OTOP1: variants seen among roughly 807,000 people sequenced by gnomAD.
OTOP1 encodes the protein otopetrin 1, also known as proton channel OTOP1.
OTOP1 carries 59 observed loss-of-function variants against 52.9 expected under a neutral mutation model. The ratio of observed to expected loss-of-function variants is 1.12; its 90% CI spans 0.91 to 1.39. The LOEUF is 1.39. Among genes scored for constraint, OTOP1 ranks in the 40% most tolerant of loss-of-function variants. The pLI, the probability that OTOP1 is intolerant of heterozygous loss-of-function variation, is 0.00. For synonymous variants in OTOP1, 317 were observed against 337.7 expected (o/e 0.94, Z 0.67); for missense variants, 761 against 800.9 (o/e 0.95, Z 0.60).
chr4:4,218,924 G>A (rs537785174), intron 1 of OTOP1, among the ~76,000 whole-genome samples: 8 of 151,114 alleles, frequency 5.3e-5, no homozygotes, highest in African/African-American at 1.2e-4. Flanking sequence ...GCGAGACTCC[G>A]TCTCAAAAAA....
At chr4:4,224,381 A>G (rs1353192260) in intron 1 of OTOP1, among the ~76,000 whole-genome samples, 1 of 147,886 alleles carries the variant, frequency 6.8e-6, no homozygotes, top group African/African-American at 2.5e-5. Flanking sequence ...GGCAGAGAGG[A>G]GGGAAGGCGA....
chr4:4,200,854 G>A (rs919859455), intron 4 of OTOP1, among the ~76,000 whole-genome samples: 14 of 151,346 alleles, frequency 9.3e-5, no homozygotes, highest in East Asian at 7.8e-4. Flanking sequence ...CACTGCCCCC[G>A]ATAATAATCT....
chr4:4,226,917 C>T lies in OTOP1; in HGVS notation c.-53G>A. 7.7e-7 allele frequency: 1 copy of T among 1,292,554 alleles called. No homozygotes were observed. The highest frequency in any genetic ancestry group is 9.8e-7 in the Non-Finnish European group (1 of 1,023,140). The allele number at this position is 1,292,554 out of a possible 1,614,324, so 80.1% of individuals were successfully genotyped here. A position where few individuals can be genotyped will look rare whatever the true frequency, so the allele number is the denominator to read the frequency against. On this transcript the variant is annotated 5_prime_UTR_variant, in exon 1 of 6. Coordinates refer to ENST00000296358, the MANE Select transcript of OTOP1 (RefSeq NM_177998.3). ...CCCGGGGGTGGCTGCCGTCGGGCCC[C>T]GCCTGCGCTCCTGGCTCCTGTCCTT... is the stretch of plus-strand genomic sequence containing the variant.
chr4:4,188,789 C>A lies in OTOP1; in HGVS notation c.*14G>T. ...CTCTTGTTAGCTCACTCCTAGGTCT[C>A]TTGTGGACCCAGACTATATCTTACA... On this transcript the variant is annotated 3_prime_UTR_variant, in exon 6 of 6. Coordinates refer to ENST00000296358, the MANE Select transcript of OTOP1 (RefSeq NM_177998.3). 6.2e-7 allele frequency: 1 copy of A among 1,605,004 alleles called. No homozygotes were observed. The highest frequency in any genetic ancestry group is 8.5e-7 in the Non-Finnish European group (1 of 1,175,706).
At chr4:4,216,043 C>T (rs1259523743) in intron 1 of OTOP1, among the ~76,000 whole-genome samples, 2 of 152,030 alleles carry the variant, frequency 1.3e-5, no homozygotes, top group Non-Finnish European at 2.9e-5. Context: ...AAGTGGTCCG[C>T]CTGCCTCAGC....
chr4:4,191,437 G>T (rs911521060), intron 5 of OTOP1, among the ~76,000 whole-genome samples: 2 of 152,080 alleles, frequency 1.3e-5, no homozygotes, highest in Non-Finnish European at 2.9e-5. Context: ...CTACACTCCC[G>T]CATGGGGTGA....
chr4:4,212,368 AGT>A (rs1717043791), intron 2 of OTOP1, among the ~76,000 whole-genome samples: 1 of 152,226 alleles, frequency 6.6e-6, no homozygotes, highest in Admixed American at 6.5e-5. Context: ...AGAAAACAAA[AGT>A]GTTTCCATGA....
intron 2 of OTOP1, among the ~76,000 whole-genome samples, chr4:4,209,649 T>C (rs1716982322): frequency 6.6e-6 from 1 of 152,166 alleles, no homozygotes; most frequent in Non-Finnish European, 1.5e-5. Flanking sequence ...CATACATCTG[T>C]GCCTTTAATC....
chr4:4,211,608 A>C (rs1387694444), intron 2 of OTOP1, among the ~76,000 whole-genome samples: 1 of 152,160 alleles, frequency 6.6e-6, no homozygotes, highest in Admixed American at 6.5e-5. Flanking sequence ...GCACAAAAAC[A>C]GACAGTAGAA....
At chr4:4,189,953 T>C (rs770765890) in intron 5 of OTOP1, among the ~76,000 whole-genome samples, 8 of 152,234 alleles carry the variant, frequency 5.3e-5, no homozygotes, top group Non-Finnish European at 8.8e-5. Context: ...GTGCAGAGAC[T>C]CTCAGCTAAA....
intron 1 of OTOP1, among the ~76,000 whole-genome samples, chr4:4,214,407 A>G (rs1305573479): frequency 6.6e-6 from 1 of 152,210 alleles, no homozygotes; most frequent in Non-Finnish European, 1.5e-5. Context: ...CCTTCAAAAA[A>G]TTCAAAATAC....
intron 2 of OTOP1, among the ~76,000 whole-genome samples, chr4:4,206,490 A>T (rs986750979): frequency 6.6e-6 from 1 of 152,346 alleles, no homozygotes; most frequent in Non-Finnish European, 1.5e-5. Context: ...GTTAGTTTTC[A>T]TCTAAGAAAT....
chr4:4,205,539 C>T (rs1202117582), intron 3 of OTOP1, among the ~76,000 whole-genome samples: 1 of 152,150 alleles, frequency 6.6e-6, no homozygotes, highest in Admixed American at 6.5e-5. Flanking sequence ...TGGGAGCAAA[C>T]TTAGCTTTGT....
At chr4:4,208,380 G>A (rs752301340) in intron 2 of OTOP1, among the ~76,000 whole-genome samples, 46 of 152,228 alleles carry the variant, frequency 3.0e-4, no homozygotes, top group Non-Finnish European at 6.2e-4. Flanking sequence ...TAGTGATTTT[G>A]GGGCCCCAAG....
intron 2 of OTOP1, among the ~76,000 whole-genome samples, chr4:4,207,385 A>G (rs1716929227): frequency 6.6e-6 from 1 of 152,226 alleles, no homozygotes; most frequent in Non-Finnish European, 1.5e-5. Context: ...CTACACCCAC[A>G]CACTTTGAGA....
chr4:4,197,822 G>A lies in OTOP1; in HGVS notation c.1012C>T (p.Arg338Cys), dbSNP rs145321134. 1.2e-4 allele frequency: 199 copies of A among 1,613,984 alleles called. No homozygotes were observed. The African/African-American group carries it at 1.6e-3, about 13-fold the overall frequency. ...GCCGACTCGCTCTTGGTCTTGGAGCGCCCAATATGAATCAGGTATACCACC... is the reference window on the plus strand; with the variant it reads ...GCCGACTCGCTCTTGGTCTTGGAGCACCCAATATGAATCAGGTATACCACC... ...VVVVYLIHIG[R>C]SKTKSESALI... Residue 338 changes from arginine to cysteine, a missense_variant, in exon 5 of 6, where the codon CGC (arginine) becomes TGC (cysteine). Coordinates refer to ENST00000296358, the MANE Select transcript of OTOP1 (RefSeq NM_177998.3).
chr4:4,204,693 C>T (rs1348439410), intron 3 of OTOP1, among the ~76,000 whole-genome samples: 2 of 151,784 alleles, frequency 1.3e-5, no homozygotes, highest in Non-Finnish European at 2.9e-5. Context: ...TTTCTAATCT[C>T]AGTGTATGTT....
chr4:4,219,589 C>T (rs537930352), intron 1 of OTOP1, among the ~76,000 whole-genome samples: 1 of 151,276 alleles, frequency 6.6e-6, no homozygotes, highest in South Asian at 2.1e-4. Flanking sequence ...CCATGCTACT[C>T]GGTAGGCTGA....
At chr4:4,222,082 G>T (rs558313136) in intron 1 of OTOP1, among the ~76,000 whole-genome samples, 8 of 152,204 alleles carry the variant, frequency 5.3e-5, no homozygotes, top group African/African-American at 1.9e-4. Context: ...GACACGAATT[G>T]GCATTTACTA....
Sources: gnomAD v4.1 joint callset for allele counts (sites outside exome capture counted in the v4.1 genomes callset) on GRCh38, gnomAD v4.1.1 for gene constraint, MANE v1.5 for transcripts, NCBI Gene and HGNC (gene_info 2026-07-23, HGNC 2026-07-21) for gene names.